The following CDH12 variants were observed in gnomAD, a reference collection of about 807,000 sequenced individuals.
CDH12 encodes the protein cadherin 12.
A neutral mutation model predicts 74.1 loss-of-function variants in CDH12; 41 were observed. The ratio of observed to expected loss-of-function variants is 0.55; its 90% confidence interval spans 0.43 to 0.72. The LOEUF (loss-of-function observed/expected upper bound fraction) is 0.72. CDH12 is among the 30% of genes least tolerant of loss of function. The pLI, the probability that CDH12 is intolerant of heterozygous loss-of-function variation, is 0.00. For missense variants in CDH12, 945 were observed against 977.2 expected (o/e 0.97, Z 0.44); for synonymous variants, 399 against 355.0 (o/e 1.12, Z -1.39).
intron 1 of CDH12, among the ~76,000 whole-genome samples, chr5:22,831,052 C>T (rs1362980410): frequency 6.6e-6 from 1 of 151,704 alleles, no homozygotes; most frequent in Admixed American, 6.6e-5. Flanking sequence ...TTCTGAGATT[C>T]AAATATTAAA....
intron 5 of CDH12, among the ~76,000 whole-genome samples, chr5:22,057,466 T>A (rs1464940833): frequency 6.6e-6 from 1 of 151,750 alleles, no homozygotes; most frequent in African/African-American, 2.4e-5. Flanking sequence ...AAAAAAAAAA[T>A]ATGTGTGACT....
At chr5:22,238,276 C>T (rs1752626967) in intron 3 of CDH12, among the ~76,000 whole-genome samples, 1 of 152,136 alleles carries the variant, frequency 6.6e-6, no homozygotes, top group Non-Finnish European at 1.5e-5. Flanking sequence ...TATGGCATTT[C>T]CTGGTGGGGC....
At chr5:22,640,243 T>A (rs1486893329) in intron 1 of CDH12, among the ~76,000 whole-genome samples, 2 of 152,194 alleles carry the variant, frequency 1.3e-5, no homozygotes, top group African/African-American at 4.8e-5. Context: ...AGAGACGATA[T>A]TACTTTTTTG....
intron 5 of CDH12, among the ~76,000 whole-genome samples, chr5:22,077,047 A>AGTGTGTGT (rs5866546): frequency 3.4e-4 from 51 of 149,158 alleles, no homozygotes; most frequent in South Asian, 4.3e-4. Flanking sequence ...GCTTAATGGC[A>AGTGTGTGT]GTGTGTGTGT....
intron 1 of CDH12, among the ~76,000 whole-genome samples, chr5:22,594,904 T>C (rs2126804383): frequency 6.6e-6 from 1 of 152,260 alleles, no homozygotes; most frequent in African/African-American, 2.4e-5. Flanking sequence ...CAATTAGTGA[T>C]TCATAGCTAT....
intron 1 of CDH12, among the ~76,000 whole-genome samples, chr5:22,735,528 T>C (rs1460432578): frequency 1.3e-5 from 2 of 151,914 alleles, no homozygotes; most frequent in Non-Finnish European, 2.9e-5. Flanking sequence ...AATTAAAGTA[T>C]ATAAATCCAC....
At chr5:22,125,941 T>C (rs973461310) in intron 4 of CDH12, among the ~76,000 whole-genome samples, 1 of 144,504 alleles carries the variant, frequency 6.9e-6, no homozygotes, top group East Asian at 2.1e-4. Context: ...TTAGACCTTT[T>C]CCTCATTTCA....
At chr5:21,976,724 T>A (rs1457116238) in intron 5 of CDH12, among the ~76,000 whole-genome samples, 5 of 151,996 alleles carry the variant, frequency 3.3e-5, no homozygotes, top group African/African-American at 1.2e-4. Flanking sequence ...AATAAACTTT[T>A]GCAGCATTTC....
At chr5:21,761,348 C>A (rs1386555318) in intron 12 of CDH12, among the ~76,000 whole-genome samples, 1 of 152,078 alleles carries the variant, frequency 6.6e-6, no homozygotes, top group African/African-American at 2.4e-5. Context: ...AAAATAACTT[C>A]TGAGAATCAA....
chr5:22,313,814 T>C (rs561796186), intron 3 of CDH12, among the ~76,000 whole-genome samples: 18 of 152,206 alleles, frequency 1.2e-4, no homozygotes, highest in Middle Eastern at 3.4e-3. Context: ...TAATGAATTT[T>C]GGAGACTCAG....
chr5:22,756,220 C>A (rs890171263), intron 1 of CDH12, among the ~76,000 whole-genome samples: 25 of 150,276 alleles, frequency 1.7e-4, no homozygotes, highest in African/African-American at 5.6e-4. Flanking sequence ...GTTTGTTGAA[C>A]AAATAAACAA....
intron 3 of CDH12, among the ~76,000 whole-genome samples, chr5:22,364,960 A>T (rs1381070081): frequency 6.6e-6 from 1 of 152,238 alleles, no homozygotes; most frequent in East Asian, 1.9e-4. Flanking sequence ...CAATAGAAGA[A>T]GCTGATTTTC....
At chr5:22,217,978 T>C (rs1203340982) in intron 3 of CDH12, among the ~76,000 whole-genome samples, 1 of 151,614 alleles carries the variant, frequency 6.6e-6, no homozygotes, top group Non-Finnish European at 1.5e-5. Context: ...TGACTTAGAT[T>C]TTCTTATTAA....
intron 1 of CDH12, among the ~76,000 whole-genome samples, chr5:22,639,866 T>C (rs1307688480): frequency 6.6e-6 from 1 of 152,162 alleles, no homozygotes; most frequent in African/African-American, 2.4e-5. Context: ...ACATACTGTT[T>C]CAGGCCCGAG....
At chr5:22,500,038 T>A (rs1056890743) in intron 2 of CDH12, among the ~76,000 whole-genome samples, 1 of 152,164 alleles carries the variant, frequency 6.6e-6, no homozygotes, top group African/African-American at 2.4e-5. Flanking sequence ...TTTTTTTATT[T>A]CCTGCACTGT....
At chr5:21,798,085 C>G (rs886648653) in intron 10 of CDH12, among the ~76,000 whole-genome samples, 1 of 151,924 alleles carries the variant, frequency 6.6e-6, no homozygotes, top group African/African-American at 2.4e-5. Flanking sequence ...TAAAAAAGAC[C>G]TGTAAATCTA....
chr5:21,882,482 G>C, intron 6 of CDH12: 1 of 687,904 alleles, frequency 1.5e-6, no homozygotes, highest in South Asian at 1.7e-5. Flanking sequence ...TAGTACAACT[G>C]CCACATTTAT....
chr5:21,782,817 A>G (rs1326380605), intron 11 of CDH12, among the ~76,000 whole-genome samples: 1 of 152,158 alleles, frequency 6.6e-6, no homozygotes, highest in Non-Finnish European at 1.5e-5. Context: ...CTCAACAAAT[A>G]ATTCCTAATA....
intron 1 of CDH12, among the ~76,000 whole-genome samples, chr5:22,745,924 AAAAAT>A (rs1745274450): frequency 6.6e-6 from 1 of 152,168 alleles, no homozygotes; most frequent in Non-Finnish European, 1.5e-5. Flanking sequence ...ATAAACATTA[AAAAAT>A]AAAATAAAAT....
Sources: allele counts gnomAD v4.1 joint callset (sites outside exome capture counted in the v4.1 genomes callset), GRCh38; gene constraint gnomAD v4.1.1; transcripts MANE v1.5; gene names NCBI Gene and HGNC (gene_info 2026-07-23, HGNC 2026-07-21).